DNAH3: variants seen among roughly 807,000 people sequenced by gnomAD.
The protein encoded by DNAH3 is dynein axonemal heavy chain 3.
DNAH3 carries 332 observed loss-of-function variants against 432.5 expected under a neutral mutation model. That is an observed-to-expected ratio of 0.77 (90% CI 0.70 to 0.84). The LOEUF (loss-of-function observed/expected upper bound fraction) is 0.84, where lower values mean the gene tolerates loss of function less well. Ranked by LOEUF, DNAH3 falls within the 40% of genes least tolerant of loss-of-function variation. The pLI is 0.00. For synonymous variants in DNAH3, 1,956 were observed against 1,900.2 expected (o/e 1.03, Z -0.76); for missense variants, 4,861 against 5,114.0 (o/e 0.95, Z 1.51).
At chr16:21,018,358 G>C (rs2152708318) in intron 41 of DNAH3, among the ~76,000 whole-genome samples, 1 of 152,268 alleles carries the variant, frequency 6.6e-6, no homozygotes, top group Middle Eastern at 3.4e-3. Context: ...AACATAAGAA[G>C]TGATATTTCT....
chr16:21,107,965 A>G (rs1380531708), intron 14 of DNAH3, among the ~76,000 whole-genome samples: 1 of 151,778 alleles, frequency 6.6e-6, no homozygotes, highest in Non-Finnish European at 1.5e-5. Context: ...TCCCAGGTTC[A>G]AGCAATTCTC....
intron 27 of DNAH3, among the ~76,000 whole-genome samples, chr16:21,057,488 G>A (rs2152748575): frequency 6.6e-6 from 1 of 152,278 alleles, no homozygotes; most frequent in Admixed American, 6.5e-5. Context: ...TTACAGACAA[G>A]GAGCTTGAGA....
exon 18 of DNAH3, chr16:21,097,374 C>G (rs1347979330): frequency 1.2e-6 from 2 of 1,613,838 alleles, no homozygotes; most frequent in Admixed American, 3.3e-5. Context: ...ATTCCTCTGA[C>G]TTGATGCTGA....
At chr16:21,029,502 C>T (rs9922592) in intron 37 of DNAH3, among the ~76,000 whole-genome samples, 52 of 152,040 alleles carry the variant, frequency 3.4e-4, no homozygotes, top group African/African-American at 1.1e-3. Flanking sequence ...ATAAGGTAGA[C>T]GCTATCGTCC....
intron 53 of DNAH3, among the ~76,000 whole-genome samples, chr16:20,960,977 A>G (rs1002625064): frequency 2.0e-5 from 3 of 152,156 alleles, no homozygotes; most frequent in African/African-American, 4.8e-5. Context: ...CTGTTTGCAC[A>G]TGCAAAGTTG....
intron 44 of DNAH3, among the ~76,000 whole-genome samples, chr16:20,988,814 T>TA (rs1415399633): frequency 6.6e-6 from 1 of 151,968 alleles, no homozygotes; most frequent in African/African-American, 2.4e-5. Context: ...TTCCTTCTGA[T>TA]GTTCGAATGT....
At chr16:21,108,885 G>T (rs1228020114) in intron 14 of DNAH3, among the ~76,000 whole-genome samples, 1 of 152,104 alleles carries the variant, frequency 6.6e-6, no homozygotes, top group Non-Finnish European at 1.5e-5. Flanking sequence ...ACTTTGGGAG[G>T]CCAAGGCAGG....
intron 1 of DNAH3, among the ~76,000 whole-genome samples, chr16:21,146,329 G>A (rs2092783035): frequency 6.6e-6 from 1 of 152,178 alleles, no homozygotes; most frequent in South Asian, 2.1e-4. Context: ...GCCAGGGAGG[G>A]TGGATCACCT....
chr16:21,017,983 C>T (rs1314973694), intron 41 of DNAH3, among the ~76,000 whole-genome samples: 1 of 152,024 alleles, frequency 6.6e-6, no homozygotes, highest in Non-Finnish European at 1.5e-5. Flanking sequence ...TCTATCCTTC[C>T]TTTAATCTAT....
chr16:20,982,827 T>C (rs770035924), exon 49 of DNAH3: 2 of 1,614,182 alleles, frequency 1.2e-6, no homozygotes, highest in Non-Finnish European at 8.5e-7. Context: ...GTACAGCAAT[T>C]GATCAGCGAA....
At chr16:21,112,078 T>A (rs2092089151) in exon 13 of DNAH3, 1 of 1,612,268 alleles carries the variant, frequency 6.2e-7, no homozygotes, top group African/African-American at 1.3e-5. Context: ...GTCAACATAC[T>A]TTTTGTAGAC....
rs745459858 is a variant in DNAH3, at chr16:20,985,435, C to A, written c.7307G>T (p.Gly2436Val). The A allele has an allele frequency of 2.5e-6, 4 of 1,614,090 alleles. No individual in the cohort carries two copies. In the East Asian group the frequency reaches 8.9e-5, roughly 36 times the overall value. The change falls in exon 48 of 62, where the codon GGG becomes GTG. Residue 2436 changes from glycine to valine, a missense_variant. By Grantham distance (109) the Gly-to-Val change is moderately radical. Coordinates refer to ENST00000261383, the Ensembl canonical transcript of DNAH3. The stretch of plus-strand genomic sequence containing the variant: ...GGCGGCACTTTGCCGCCCGCTGCCC[C>A]CTATGCCCACCAGGAGCAGGTGGCC...
chr16:21,091,807 C>T (rs2091543520), intron 18 of DNAH3, among the ~76,000 whole-genome samples: 1 of 151,614 alleles, frequency 6.6e-6, no homozygotes, highest in African/African-American at 2.4e-5. Flanking sequence ...CAGAATAAGA[C>T]TCTGTCTCAA....
intron 51 of DNAH3, among the ~76,000 whole-genome samples, chr16:20,974,863 G>A (rs1451633662): frequency 6.6e-6 from 1 of 151,714 alleles, no homozygotes; most frequent in African/African-American, 2.4e-5. Flanking sequence ...TTGCCGCCCA[G>A]GCTGGAGTGC....
rs2091405810 is a variant in DNAH3 at position 21,087,172 on chromosome 16, C to T, written c.2666-112G>A. 5 of 877,946 alleles carry T rather than the reference C, an allele frequency of 5.7e-6. No homozygotes were observed. The South Asian group carries it at 7.7e-5, about 13-fold the overall frequency. The allele number at this position is 877,946 out of a possible 1,614,324, so 54.4% of individuals were successfully genotyped here. ...CTCCTGTCGTTTGGAGATTGGAACA[C>T]ATACAGGCTTTGAGGATCTGAAACC... is the stretch of plus-strand genomic sequence containing the variant. On this transcript the variant is annotated intron_variant, in intron 18 of 61. Coordinates refer to ENST00000261383, the Ensembl canonical transcript of DNAH3.
intron 5 of DNAH3, among the ~76,000 whole-genome samples, chr16:21,139,810 C>A (rs188661142): frequency 8.3e-5 from 10 of 120,118 alleles, no homozygotes; most frequent in Non-Finnish European, 1.4e-4. Flanking sequence ...GATAGAGCCT[C>A]GCTCTGTTGC....
At chr16:20,966,380 C>T (rs557155637) in intron 52 of DNAH3, among the ~76,000 whole-genome samples, 7 of 151,118 alleles carry the variant, frequency 4.6e-5, no homozygotes, top group Non-Finnish European at 8.9e-5. Context: ...GATGAGGTTT[C>T]GCCATGTTGC....
chr16:21,058,697 T>A (rs763043125), intron 26 of DNAH3, among the ~76,000 whole-genome samples: 3 of 152,148 alleles, frequency 2.0e-5, no homozygotes, highest in Non-Finnish European at 2.9e-5. Flanking sequence ...GGGACGTGGA[T>A]GAAGCTGGAA....
chr16:21,107,008 C>G (rs1418294168), intron 14 of DNAH3, among the ~76,000 whole-genome samples: 1 of 151,946 alleles, frequency 6.6e-6, no homozygotes, highest in African/African-American at 2.4e-5. Context: ...ATTATCTATA[C>G]TTTATAATGG....
Sources: allele counts gnomAD v4.1 joint callset (sites outside exome capture counted in the v4.1 genomes callset), GRCh38; gene constraint gnomAD v4.1.1; transcripts MANE v1.5; gene names NCBI Gene and HGNC (gene_info 2026-07-23, HGNC 2026-07-21).